SCLT1: variants seen among roughly 807,000 people sequenced by gnomAD.
SCLT1 encodes sodium channel and clathrin linker 1.
A neutral mutation model predicts 112.8 loss-of-function variants in SCLT1; 78 were observed. The ratio of observed to expected loss-of-function variants is 0.69; its 90% confidence interval spans 0.58 to 0.83. SCLT1 has a LOEUF of 0.83. Among genes scored for constraint, SCLT1 ranks in the 40% least tolerant of loss-of-function variants. SCLT1 has a pLI of 0.00. For synonymous variants in SCLT1, 257 were observed against 254.7 expected, an observed-to-expected ratio of 1.01 and a Z score of -0.09; for missense variants, 747 against 770.4, an observed-to-expected ratio of 0.97 and a Z score of 0.36.
At chr4:129,066,970 C>G (rs996935764) in intron 2 of SCLT1, among the ~76,000 whole-genome samples, 1 of 151,826 alleles carries the variant, frequency 6.6e-6, no homozygotes, top group Admixed American at 6.6e-5. Context: ...TTTATTTCTG[C>G]GATATTTAAT....
intron 4 of SCLT1, chr4:129,040,355 T>C: frequency 1.7e-6 from 1 of 575,444 alleles, no homozygotes; most frequent in South Asian, 2.2e-5. Context: ...TTTGGATTTA[T>C]TGTAGCCATT....
chr4:129,052,977 C>T (rs990265069), intron 2 of SCLT1, among the ~76,000 whole-genome samples: 15 of 152,242 alleles, frequency 9.9e-5, no homozygotes, highest in Non-Finnish European at 2.1e-4. Flanking sequence ...GCCTTCATTT[C>T]GTTATTTACC....
At chr4:128,951,888 G>A (rs924966228) in intron 14 of SCLT1, among the ~76,000 whole-genome samples, 2 of 152,108 alleles carry the variant, frequency 1.3e-5, no homozygotes, top group African/African-American at 2.4e-5. Flanking sequence ...TTAAGATCCC[G>A]TCATGTGCTC....
intron 18 of SCLT1, among the ~76,000 whole-genome samples, chr4:128,915,851 G>C (rs1162518875): frequency 1.3e-5 from 2 of 152,214 alleles, no homozygotes; most frequent in African/African-American, 2.4e-5. Context: ...AGGAAAGACA[G>C]ACTGTTTTAA....
intron 2 of SCLT1, among the ~76,000 whole-genome samples, chr4:129,051,517 GCTCT>G (rs1748789821): frequency 6.6e-6 from 1 of 152,022 alleles, no homozygotes; most frequent in South Asian, 2.1e-4. Flanking sequence ...TTATGATTTG[GCTCT>G]CTATTGGTCT....
chr4:128,954,790 A>G (rs1030092129), intron 13 of SCLT1, among the ~76,000 whole-genome samples: 4 of 152,176 alleles, frequency 2.6e-5, no homozygotes, highest in African/African-American at 9.7e-5. Flanking sequence ...TCTCACAAAA[A>G]TCCAATGAGG....
chr4:129,002,079 A>T (rs1196871428), intron 6 of SCLT1, among the ~76,000 whole-genome samples: 2 of 151,994 alleles, frequency 1.3e-5, no homozygotes, highest in African/African-American at 4.8e-5. Context: ...CTAAAATATC[A>T]CTTTCATAAT....
chr4:129,036,831 A>G (rs776627193), intron 5 of SCLT1: 29 of 151,796 alleles, frequency 1.9e-4, no homozygotes, highest in Non-Finnish European at 4.0e-4. Context: ...AAAATAAAAT[A>G]AAATTACTAC....
intron 18 of SCLT1, among the ~76,000 whole-genome samples, chr4:128,918,110 A>AAAGTAGTG (rs1735607097): frequency 6.6e-6 from 1 of 152,186 alleles, no homozygotes; most frequent in Admixed American, 6.5e-5. Flanking sequence ...GCTCTCAGGC[A>AAAGTAGTG]CCCAGAAGAG....
intron 1 of SCLT1, among the ~76,000 whole-genome samples, chr4:129,083,207 T>C (rs1756010): frequency 1.0e-5 from 1 of 96,724 alleles, no homozygotes; most frequent in East Asian, 3.1e-4. Context: ...AAAAAAAGAA[T>C]AAGAAGAAAA....
rs141045237 is a variant in SCLT1 at position 129,037,856 on chromosome 4, C to T, written c.290+1185G>A. On this transcript the variant is annotated intron_variant, in intron 5 of 20. Coordinates refer to ENST00000281142, the MANE Select transcript of SCLT1 (RefSeq NM_144643.4). ...AGCATTTTATGAGAAAAGAAAACCA[C>T]ATAGGTAAATAAACATATAAAAATG... 19 of 152,202 alleles carry T rather than the reference C, an allele frequency of 1.2e-4. No homozygotes were observed. In the East Asian group the frequency reaches 3.7e-3, roughly 29 times the overall value. The allele number at this position is 152,202 out of a possible 1,614,324, so 9.4% of individuals were successfully genotyped here. A position where few individuals can be genotyped will look rare whatever the true frequency, so the allele number is the denominator to read the frequency against.
At chr4:129,044,114 T>C (rs888417012) in intron 2 of SCLT1, 63 bp from the exon 3 acceptor site, 20 of 800,506 alleles carry the variant, frequency 2.5e-5, no homozygotes, top group Non-Finnish European at 4.0e-5. Flanking sequence ...TTGATAGTGA[T>C]ATAATATTAA....
chr4:128,924,927 TTC>T (rs1274123928), intron 18 of SCLT1, among the ~76,000 whole-genome samples: 1 of 152,320 alleles, frequency 6.6e-6, no homozygotes, highest in East Asian at 1.9e-4. Flanking sequence ...TTGTTTTACT[TTC>T]TCTCTTTCAA....
At chr4:129,046,681 G>A (rs1748214450) in intron 2 of SCLT1, among the ~76,000 whole-genome samples, 1 of 152,012 alleles carries the variant, frequency 6.6e-6, no homozygotes, top group South Asian at 2.1e-4. Flanking sequence ...TTTCTGATGG[G>A]TATACCTATA....
chr4:128,928,991 T>C (rs1463101831), intron 18 of SCLT1, among the ~76,000 whole-genome samples: 1 of 152,170 alleles, frequency 6.6e-6, no homozygotes, highest in Non-Finnish European at 1.5e-5. Context: ...GGAACAAGAA[T>C]AAGAATCCTG....
At chr4:128,873,273 G>GAAAAAAAGAAAAAAAAAA (rs1732335654) in intron 5 of SCLT1, 1 of 78,656 alleles carries the variant, frequency 1.3e-5, no homozygotes, top group Non-Finnish European at 2.7e-5. Flanking sequence ...AAAAAAAAAA[G>GAAAAAAAGAAAAAAAAAA]AAAAAAAGAA....
At chr4:128,909,402 C>A (rs376089478) in intron 18 of SCLT1, among the ~76,000 whole-genome samples, 1 of 152,084 alleles carries the variant, frequency 6.6e-6, no homozygotes, top group African/African-American at 2.4e-5. Context: ...GGCACACACA[C>A]CATGCCCAGA....
intron 5 of SCLT1, among the ~76,000 whole-genome samples, chr4:129,012,841 CT>C (rs974950412): frequency 2.7e-5 from 4 of 150,692 alleles, no homozygotes; most frequent in Non-Finnish European, 4.4e-5. Context: ...GTAACCCCTA[CT>C]TTTTTTCTGT....
chr4:128,887,109 T>C (rs1311203311), intron 20 of SCLT1, among the ~76,000 whole-genome samples: 1 of 152,092 alleles, frequency 6.6e-6, no homozygotes, highest in Non-Finnish European at 1.5e-5. Flanking sequence ...CTTAGAGAAG[T>C]TGAAATTGCC....
Sources: allele counts gnomAD v4.1 joint callset (sites outside exome capture counted in the v4.1 genomes callset), GRCh38; gene constraint gnomAD v4.1.1; transcripts MANE v1.5; gene names NCBI Gene and HGNC (gene_info 2026-07-23, HGNC 2026-07-21).